Variants in AGBL4 observed in about 807,000 individuals in gnomAD.
The protein encoded by AGBL4 is AGBL carboxypeptidase 4.
AGBL4 carries 58 observed loss-of-function variants against 66.4 expected under a neutral mutation model. That is an observed-to-expected ratio of 0.87 (90% CI 0.71 to 1.09). The LOEUF (loss-of-function observed/expected upper bound fraction) is 1.09, where lower values mean the gene tolerates loss of function less well. Ranked by LOEUF, AGBL4 falls within the 50% of genes least tolerant of loss-of-function variation. The pLI is 0.00. For synonymous variants in AGBL4, 234 were observed against 222.9 expected (o/e 1.05, Z -0.44); for missense variants, 579 against 631.0 (o/e 0.92, Z 0.88).
chr1:49,045,747 T>C lies in AGBL4; in HGVS notation c.431A>G (p.Lys144Arg). Residue 144 changes from lysine to arginine, a missense_variant, in exon 5 of 14, where the codon AAG becomes AGG. Physicochemically the swap from Lys to Arg is conservative, Grantham distance 26 (BLOSUM62 2). Transcript: ENST00000371839. ...AAAGGCAAAGGACATCACATAGTTC[T>C]TCCTATGGTCCGGGCAGCGGTAGTA... ...VYYYRCPDHR[K>R]NYVMSFAFCF... 2 of 1,551,902 alleles carry C rather than the reference T, an allele frequency of 1.3e-6. No homozygotes were observed. Among genetic ancestry groups the C allele is most frequent in the Non-Finnish European group, 1.7e-6 (2 of 1,146,940 alleles).
intron 3 of AGBL4, among the ~76,000 whole-genome samples, chr1:49,566,725 A>G (rs1037122112): frequency 1.3e-5 from 2 of 152,200 alleles, no homozygotes; most frequent in South Asian, 2.1e-4. Flanking sequence ...GGTGCCTCCC[A>G]GTTAGGCTAC....
intron 1 of AGBL4, among the ~76,000 whole-genome samples, chr1:50,007,510 C>A (rs978772805): frequency 2.0e-5 from 3 of 152,080 alleles, no homozygotes; most frequent in Non-Finnish European, 2.9e-5. Context: ...CATCCATAAT[C>A]CTAGCACTTT....
intron 6 of AGBL4, among the ~76,000 whole-genome samples, chr1:48,745,047 T>C (rs1650523435): frequency 6.6e-6 from 1 of 152,248 alleles, no homozygotes; most frequent in African/African-American, 2.4e-5. Context: ...TTTGCAATCA[T>C]CTGCCTGTCG....
intron 10 of AGBL4, among the ~76,000 whole-genome samples, chr1:48,587,997 G>A (rs1644851805): frequency 6.6e-6 from 1 of 152,148 alleles, no homozygotes; most frequent in Admixed American, 6.5e-5. Flanking sequence ...GCTTTCAATT[G>A]TATGATATTG....
At chr1:49,006,962 C>T (rs1215545436) in intron 5 of AGBL4, among the ~76,000 whole-genome samples, 5 of 107,468 alleles carry the variant, frequency 4.7e-5, no homozygotes, top group Non-Finnish European at 6.8e-5. Flanking sequence ...CTCTAAAAAG[C>T]AGAGCGCCTC....
At chr1:48,706,017 T>G (rs1449726884) in intron 6 of AGBL4, among the ~76,000 whole-genome samples, 1 of 152,182 alleles carries the variant, frequency 6.6e-6, no homozygotes, top group Non-Finnish European at 1.5e-5. Flanking sequence ...CAGACATTCC[T>G]ACTTAGGCAA....
chr1:49,109,013 T>A (rs1237657700), intron 4 of AGBL4, among the ~76,000 whole-genome samples: 2 of 152,164 alleles, frequency 1.3e-5, no homozygotes, highest in Non-Finnish European at 2.9e-5. Context: ...GATCAAATGA[T>A]CCTCTAGACA....
At chr1:49,813,818 A>G (rs114810370) in intron 2 of AGBL4, among the ~76,000 whole-genome samples, 3,529 of 152,242 alleles carry the variant, frequency 0.023, 57 homozygotes, top group South Asian at 0.04. Context: ...AGTACTTGAT[A>G]TGGTTTGGCT....
At chr1:49,915,535 G>C (rs1027141564) in intron 1 of AGBL4, among the ~76,000 whole-genome samples, 1 of 152,224 alleles carries the variant, frequency 6.6e-6, no homozygotes, top group Non-Finnish European at 1.5e-5. Context: ...TGAGGCTGGG[G>C]AAGGGGCACC....
At chr1:49,861,331 A>C (rs934531514) in intron 1 of AGBL4, among the ~76,000 whole-genome samples, 5 of 152,092 alleles carry the variant, frequency 3.3e-5, no homozygotes, top group African/African-American at 1.2e-4. Flanking sequence ...CCCTTCCCCT[A>C]ACCCTAGGCT....
intron 4 of AGBL4, among the ~76,000 whole-genome samples, chr1:49,198,495 C>T (rs1022212845): frequency 1.2e-4 from 18 of 152,014 alleles, no homozygotes; most frequent in Admixed American, 2.6e-4. Flanking sequence ...TGCACACCAC[C>T]ATGCCTGGCT....
intron 3 of AGBL4, among the ~76,000 whole-genome samples, chr1:49,406,570 A>T (rs1261860057): frequency 2.0e-5 from 3 of 152,210 alleles, no homozygotes; most frequent in Non-Finnish European, 4.4e-5. Context: ...TAGTGTGATA[A>T]ATGTTTATAC....
At chr1:49,078,980 CACAGATCTCTTTCTT>C (rs1472243729) in intron 4 of AGBL4, among the ~76,000 whole-genome samples, 1 of 148,798 alleles carries the variant, frequency 6.7e-6, no homozygotes, top group Non-Finnish European at 1.5e-5. Flanking sequence ...GTAGCTGTTT[CACAGATCTCTTTCTT>C]ACCACTTGCC....
At chr1:49,657,425 A>G (rs1646165785) in intron 3 of AGBL4, among the ~76,000 whole-genome samples, 1 of 152,220 alleles carries the variant, frequency 6.6e-6, no homozygotes, top group Admixed American at 6.5e-5. Context: ...GAAAATGGCC[A>G]TACTGCCCAA....
chr1:49,664,360 C>A (rs986781246), intron 3 of AGBL4, among the ~76,000 whole-genome samples: 57 of 152,032 alleles, frequency 3.7e-4, no homozygotes, highest in African/African-American at 1.3e-3. Flanking sequence ...TAAAATATAG[C>A]AATTACAGCA....
chr1:48,767,342 C>T (rs1464873332), intron 6 of AGBL4, among the ~76,000 whole-genome samples: 1 of 152,172 alleles, frequency 6.6e-6, no homozygotes, highest in Non-Finnish European at 1.5e-5. Flanking sequence ...CAATAAATAG[C>T]AGCTGTTAGG....
intron 3 of AGBL4, among the ~76,000 whole-genome samples, chr1:49,666,931 C>T (rs1331901739): frequency 6.6e-6 from 1 of 151,940 alleles, no homozygotes; most frequent in African/African-American, 2.4e-5. Flanking sequence ...ATAATTGTCT[C>T]CAAAGCTTGG....
intron 5 of AGBL4, among the ~76,000 whole-genome samples, chr1:48,868,737 G>A (rs531402883): frequency 4.5e-4 from 69 of 152,214 alleles, no homozygotes; most frequent in Admixed American, 9.2e-4. Flanking sequence ...CCTGCCACGT[G>A]GGCAGGGACC....
chr1:49,948,048 A>ATG (rs1655515898), intron 1 of AGBL4, among the ~76,000 whole-genome samples: 4 of 6,974 alleles, frequency 5.7e-4, no homozygotes, highest in Admixed American at 3.0e-3. Context: ...ATATAAATAT[A>ATG]TAAATATATA....
Sources: gnomAD v4.1 joint callset for allele counts (sites outside exome capture counted in the v4.1 genomes callset) on GRCh38, gnomAD v4.1.1 for gene constraint, MANE v1.5 for transcripts, NCBI Gene and HGNC (gene_info 2026-07-23, HGNC 2026-07-21) for gene names.